SLC35A2: variants seen among roughly 807,000 people sequenced by gnomAD.
The protein encoded by SLC35A2 is solute carrier family 35 member A2, also known as UDP-galactose translocator.
SLC35A2 carries 1 observed loss-of-function variant against 17.3 expected under a neutral mutation model. The observed-to-expected ratio is 0.06, with a 90% CI of 0.02 to 0.27. SLC35A2 has a LOEUF of 0.27. Ranked by LOEUF, SLC35A2 falls within the 10% of genes least tolerant of loss-of-function variation. The probability of loss-of-function intolerance (pLI) is 1.00; values close to 1 mark genes in which losing one functional copy is unlikely to be tolerated. For missense variants in SLC35A2, 191 were observed against 339.3 expected (o/e 0.56, Z 3.43); for synonymous variants, 161 against 161.3 (o/e 1.00, Z 0.01).
Position 48,906,470 on chromosome X carries a change from T to C in SLC35A2, c.348A>G (p.Ala116=), listed in dbSNP as rs781811843. The part of the protein sequence containing the change: ...LVQYVDTLKL[A]VPSLIYTLQN... ...GCAAGGTGTAGATGAGAGAGGGCAC[T>C]GCGAGCTTGAGCGTGTCCACATACT... Residue 116 remains alanine (A), a synonymous_variant, in exon 3 of 5, where the codon GCA becomes GCG. Transcript: ENST00000247138. 8.3e-7 allele frequency: 1 copy of C among 1,207,212 alleles called. No individual in the cohort carries two copies. Among genetic ancestry groups the C allele is most frequent in the East Asian group, 3.0e-5 (1 of 33,698 alleles).
chrX:48,904,414 C>T (rs782791730), intron 4 of SLC35A2: 28 of 1,087,686 alleles, frequency 2.6e-5, no homozygotes, highest in Admixed American at 2.4e-4. Flanking sequence ...GGCACAGGGT[C>T]GGGGAGGGAG....
At chrX:48,910,902 G>C (rs954169286) in intron 1 of SLC35A2, among the ~76,000 whole-genome samples, 2 of 109,878 alleles carry the variant, frequency 1.8e-5, no homozygotes, top group Non-Finnish European at 3.8e-5. Context: ...GGACCCTCTA[G>C]CTAATGAATT....
In SLC35A2 at chrX:48,911,644, T is replaced by A; in HGVS notation, c.-8A>T. On this transcript the variant is annotated 5_prime_UTR_variant, in exon 1 of 5. An upstream start codon of the reference 5' UTR is lost. Coordinates refer to ENST00000247138, the MANE Select transcript of SLC35A2 (RefSeq NM_005660.3). ...AGCCCCAACCGCTGCCATGTTGGCA[T>A]CTGCCCGGCCCGTCCCCTCGGCAAC... 8.6e-7 allele frequency: 1 copy of A among 1,159,335 alleles called. No homozygotes were observed. Among genetic ancestry groups the A allele is most frequent in the South Asian group, 1.9e-5 (1 of 52,680 alleles).
At chrX:48,910,271 C>A in intron 1 of SLC35A2, 1 of 1,149,296 alleles carries the variant, frequency 8.7e-7, no homozygotes, top group Non-Finnish European at 1.1e-6. Context: ...ATGGCTGAGG[C>A]AAACCCTGGC....
chrX:48,908,273 G>A (rs1367471641), intron 2 of SLC35A2, among the ~76,000 whole-genome samples: 3 of 108,135 alleles, frequency 2.8e-5, no homozygotes, highest in African/African-American at 1.0e-4. Context: ...CTGCCACCGC[G>A]CCTGGATAAT....
At chrX:48,904,522 A>T in intron 4 of SLC35A2, 1 of 1,141,713 alleles carries the variant, frequency 8.8e-7, no homozygotes, top group Non-Finnish European at 1.2e-6. Flanking sequence ...CCTCCAGGGG[A>T]AGGGGGTCAC....
At chrX:48,905,546 G>T in intron 3 of SLC35A2, 64 bp from the exon 4 acceptor site, 2 of 1,028,453 alleles carry the variant, frequency 1.9e-6, no homozygotes, top group Non-Finnish European at 2.6e-6. Context: ...CACATGGGGG[G>T]CAGCACCCAC....
At position 48,904,876 on chromosome X, in the gene SLC35A2, C is replaced by T. The variant is rs2063476633; in HGVS notation, c.1033G>A (p.Ala345Thr). Residue 345 changes from alanine to threonine, a missense_variant, in exon 4 of 5, where the codon GCC (alanine) becomes ACC (threonine). Coordinates refer to ENST00000247138, the MANE Select transcript of SLC35A2 (RefSeq NM_005660.3). ...VYLYSLPRGA[A>T]KAIASASASA... ...GCAGAGGCAGAGGCTATGGCTTTGGCTGCACCTCGGGGAAGGCTGTAGAGG... is the reference window on the plus strand; with the variant it reads ...GCAGAGGCAGAGGCTATGGCTTTGGTTGCACCTCGGGGAAGGCTGTAGAGG... 1 of 1,209,929 alleles carries T rather than the reference C, an allele frequency of 8.3e-7. No individual in the cohort carries two copies. The highest frequency in any genetic ancestry group is 1.8e-5 in the South Asian group (1 of 56,755).
chrX:48,910,018 A>T, intron 1 of SLC35A2, 22 bp from the exon 2 acceptor site: 1 of 1,182,980 alleles, frequency 8.5e-7, no homozygotes, highest in Non-Finnish European at 1.1e-6. Context: ...GGAAGGGGCA[A>T]GGGGGAAGGA....
In SLC35A2 at chrX:48,906,408, G is replaced by T; in HGVS notation, c.410C>A (p.Pro137Gln). The stretch of plus-strand genomic sequence containing the variant: ...GGGGCTCACCTGGAAAGTGGCAGCT[G>T]GTAGGTTAGAGATGGCAACATACTG... Reference protein sequence around the residue: ...NLQYVAISNLPAATFQVTYQL... With the variant: ...NLQYVAISNLQAATFQVTYQL... Residue 137 changes from proline to glutamine, a missense_variant, in exon 3 of 5, where the codon CCA (proline) becomes CAA (glutamine). Around this residue, in one of 2 missense-constraint regions of SLC35A2, gnomAD observed 164 missense variants for 315.3 expected, o/e 0.52. Transcript: ENST00000247138. 8.3e-7 allele frequency: 1 copy of T among 1,210,639 alleles called. No individual in the cohort carries two copies. The highest frequency in any genetic ancestry group is 1.1e-6 in the Non-Finnish European group (1 of 894,670).
Position 48,910,002 on chromosome X carries a change from G to A in SLC35A2, c.92-6C>T, listed in dbSNP as rs2063520315. 1 of 1,199,533 alleles carries A rather than the reference G, an allele frequency of 8.3e-7. No individual in the cohort carries two copies. The highest frequency in any genetic ancestry group is 1.8e-5 in the African/African-American group (1 of 57,109). On this transcript the variant is annotated splice_region_variant and splice_polypyrimidine_tract_variant and intron_variant, in intron 1 of 4. Coordinates refer to ENST00000247138, the MANE Select transcript of SLC35A2 (RefSeq NM_005660.3). ...GTACTTCAGGCGCCTGTGAGCTGTG[G>A]GGAACGGAAGGGGCAAGGGGGAAGG...
chrX:48,903,586 C>T, intron 4 of SLC35A2, 121 bp from the exon 5 acceptor site: 1 of 563,555 alleles, frequency 1.8e-6, no homozygotes, highest in South Asian at 2.9e-5. Flanking sequence ...TAATGGTGCC[C>T]ACCTGGTCAG....
chrX:48,905,174 C>T lies in SLC35A2; in HGVS notation c.735G>A (p.Leu245=). The T allele has an allele frequency of 8.3e-7, 1 of 1,210,006 alleles. No homozygotes were observed. Among genetic ancestry groups the T allele is most frequent in the East Asian group, 3.0e-5 (1 of 33,786 alleles). The change falls in exon 4 of 5, where the codon CTG becomes CTA. Residue 245 remains leucine, a synonymous_variant. Coordinates refer to ENST00000247138, the MANE Select transcript of SLC35A2 (RefSeq NM_005660.3). ...CAGCCCACCAGAGCCCCACCAGGCC[C>T]AGTGCTGTGCCGAAGAGGCCCAGTT... The part of the protein sequence containing the change: ...NLQLGLFGTA[L]GLVGLWWAEG...
At chrX:48,907,633 T>C (rs1390766083) in intron 2 of SLC35A2, among the ~76,000 whole-genome samples, 1 of 112,405 alleles carries the variant, frequency 8.9e-6, no homozygotes, top group Non-Finnish European at 1.9e-5. Context: ...GTTGCATCTT[T>C]CTGTCAGCCC....
At position 48,903,571 on chromosome X, in the gene SLC35A2, G is replaced by T. The variant is rs1602334775; in HGVS notation, c.1164-106C>A. 13 of 547,555 alleles carry T rather than the reference G, an allele frequency of 2.4e-5. No homozygotes were observed. The East Asian group carries it at 4.5e-4, about 19-fold the overall frequency. The allele number at this position is 547,555 out of a possible 1,213,427, so 45.1% of individuals were successfully genotyped here. Reference sequence around the variant, plus strand: ...CGGTGGTGAGGCTGGTAGTCCTGGGGTTAGTAATGGTGCCCACCTGGTCAG... The same window carrying T: ...CGGTGGTGAGGCTGGTAGTCCTGGGTTTAGTAATGGTGCCCACCTGGTCAG... On this transcript the variant is annotated intron_variant, in intron 4 of 4. Coordinates refer to ENST00000247138, the MANE Select transcript of SLC35A2 (RefSeq NM_005660.3).
chrX:48,903,798 T>A (rs782433403), intron 4 of SLC35A2: 1 of 864,514 alleles, frequency 1.2e-6, no homozygotes, highest in Admixed American at 6.1e-5. Context: ...CCGATACAGT[T>A]AAGGGGTTAA....
rs1557044062 is a variant in SLC35A2, at chrX:48,911,558, TC to T, written c.78del (p.Thr27ProfsTer9). 2 of 1,161,908 alleles carry T rather than the reference TC, an allele frequency of 1.7e-6. No individual in the cohort carries two copies. Among genetic ancestry groups the T allele is most frequent in the Admixed American group, 2.5e-5 (1 of 39,334 alleles). On this transcript the variant is annotated frameshift_variant, in exon 1 of 5. Coordinates refer to ENST00000247138, the MANE Select transcript of SLC35A2 (RefSeq NM_005660.3). LOFTEE classifies it high-confidence loss of function. Reference sequence around the variant, plus strand: ...CAGACTGTCTCACCCGCACTGGCGGTCCCCGGCTCCAATGCACCCGCGGAAA... The same window carrying T: ...CAGACTGTCTCACCCGCACTGGCGGTCCCGGCTCCAATGCACCCGCGGAAA... ...GAVSAGALEP[G>X]TASAAHRRLK...
chrX:48,907,879 G>A (rs1179734090), intron 2 of SLC35A2, among the ~76,000 whole-genome samples: 13 of 109,229 alleles, frequency 1.2e-4, no homozygotes, highest in Middle Eastern at 4.7e-3. Flanking sequence ...AAAATTAGCC[G>A]GGTGTGGTGG....
At position 48,907,996 on chromosome X, in the gene SLC35A2, C is replaced by G. The variant is rs370874407; in HGVS notation, c.275-1453G>C. The stretch of plus-strand genomic sequence containing the variant: ...AAGATCGTGCCATTGCACTCCAGCT[C>G]AGACAACAAGGGCAAAACTCCATTT... On this transcript the variant is annotated intron_variant, in intron 2 of 4. Coordinates refer to ENST00000247138, the MANE Select transcript of SLC35A2 (RefSeq NM_005660.3). Among the ~76,000 whole-genome samples, 126 of 109,890 alleles carry G rather than the reference C, an allele frequency of 1.1e-3. 1 individual carries two copies. The highest frequency in any genetic ancestry group is 9.1e-3 in the East Asian group (31 of 3,416).
Sources: gnomAD v4.1 joint callset for allele counts (sites outside exome capture counted in the v4.1 genomes callset) on GRCh38, gnomAD v4.1.1 for gene constraint, gnomAD v4.1.1 regional missense constraint, MANE v1.5 for transcripts, NCBI Gene and HGNC (gene_info 2026-07-23, HGNC 2026-07-21) for gene names.